The following ANKRD16 variants were observed in gnomAD, a reference collection of about 807,000 sequenced individuals.
The protein encoded by ANKRD16 is ankyrin repeat domain 16, also known as ankyrin repeat domain-containing protein 16.
Under a neutral mutation model 37.9 loss-of-function variants are expected in ANKRD16, and 35 were observed. The ratio of observed to expected loss-of-function variants is 0.92; its 90% CI spans 0.71 to 1.23. The LOEUF (loss-of-function observed/expected upper bound fraction) is 1.23, where lower values mean the gene tolerates loss of function less well. Ranked by LOEUF, ANKRD16 falls within the 50% of genes most tolerant of loss-of-function variation. The probability of loss-of-function intolerance (pLI) is 0.00; values close to 1 mark genes in which losing one functional copy is unlikely to be tolerated. For synonymous variants in ANKRD16, 206 were observed against 197.2 expected (o/e 1.04, Z -0.37); for missense variants, 480 against 469.9 (o/e 1.02, Z -0.20).
Position 5,862,200 on chromosome 10 carries a change from G to A in ANKRD16, c.*525C>T, listed in dbSNP as rs1291736368. On this transcript the variant is annotated 3_prime_UTR_variant, in exon 8 of 8. Transcript: ENST00000380094. The surrounding 1 kb of genome is among the most constrained non-coding windows in gnomAD (Gnocchi z 6.5). ...TTACAGGCATGAGCCACCGCAACCGGCCCCCAGGAATTCTTTAATGGTTCC... is the reference window on the plus strand; with the variant it reads ...TTACAGGCATGAGCCACCGCAACCGACCCCCAGGAATTCTTTAATGGTTCC... 1.1e-5 allele frequency: 3 copies of A among 262,088 alleles called. No individual in the cohort carries two copies. The highest frequency in any genetic ancestry group is 2.3e-5 in the Non-Finnish European group (3 of 131,176). The allele number at this position is 262,088 out of a possible 1,614,324, so 16.2% of individuals were successfully genotyped here.
In ANKRD16 at chr10:5,870,272, T is replaced by C. The variant is rs1344641934; in HGVS notation, c.*34-7581A>G. On this transcript the variant is annotated intron_variant, in intron 7 of 7. Transcript: ENST00000380094. This position sits in a 1 kb window ranked among gnomAD's most constrained non-coding sequence, Gnocchi z 5.0. ...CCGACCCCTTCACGGAGGCCCCCAGTGCACCTGCGCAGTGAGGTCAGCTTC... is the reference window on the plus strand; with the variant it reads ...CCGACCCCTTCACGGAGGCCCCCAGCGCACCTGCGCAGTGAGGTCAGCTTC... Among the ~76,000 whole-genome samples, 4 of 152,062 alleles carry C rather than the reference T, an allele frequency of 2.6e-5. No individual in the cohort carries two copies. Among genetic ancestry groups the C allele is most frequent in the East Asian group, 3.9e-4 (2 of 5,186 alleles).
chr10:5,876,347 C>G (rs1419836651), intron 7 of ANKRD16, among the ~76,000 whole-genome samples: 4 of 152,166 alleles, frequency 2.6e-5, no homozygotes, highest in Non-Finnish European at 5.9e-5. Flanking sequence ...TTTGTAAGGG[C>G]AGAAGCAAAG....
intron 5 of ANKRD16, among the ~76,000 whole-genome samples, chr10:5,882,120 G>A (rs2131774500): frequency 6.6e-6 from 1 of 152,304 alleles, no homozygotes; most frequent in South Asian, 2.1e-4. Flanking sequence ...CTGCTACTAT[G>A]TGATGAGACT....
chr10:5,873,843 G>A (rs1372818960), intron 7 of ANKRD16, among the ~76,000 whole-genome samples: 5 of 151,052 alleles, frequency 3.3e-5, no homozygotes, highest in African/African-American at 7.3e-5. Context: ...TTAGGTCCTC[G>A]CTATTTTCAG....
rs749308330 is a variant in ANKRD16, at chr10:5,870,556, G to A, written c.*33+7541C>T. Among the ~76,000 whole-genome samples the A allele has an allele frequency of 5.3e-5, 8 of 151,984 alleles. No homozygotes were observed. The highest frequency in any genetic ancestry group is 1.4e-4 in the African/African-American group (6 of 41,382). The stretch of plus-strand genomic sequence containing the variant: ...GTAGCTGGGACTACAGGCACACCAC[G>A]CCCAGCTAATTTTTTGTATTTTTTG... On this transcript the variant is annotated intron_variant, in intron 7 of 7. Transcript: ENST00000380094. This position sits in a 1 kb window ranked among gnomAD's most constrained non-coding sequence, Gnocchi z 5.0.
At position 5,863,226 on chromosome 10, in the gene ANKRD16, CCT is replaced by C. The variant is rs1240216726; in HGVS notation, c.*34-537_*34-536del. Among the ~76,000 whole-genome samples the C allele has an allele frequency of 2.0e-5, 3 of 151,972 alleles. No individual in the cohort carries two copies. The highest frequency in any genetic ancestry group is 4.4e-5 in the Non-Finnish European group (3 of 68,002). On this transcript the variant is annotated intron_variant, in intron 7 of 7. Transcript: ENST00000380094. This position sits in a 1 kb window ranked among gnomAD's most constrained non-coding sequence, Gnocchi z 4.7. ...TGCTCTCAATTCAGATCAAGTTTCC[CCT>C]GTGCCAGAAGAATCAGTCCTCCAGA... is the stretch of plus-strand genomic sequence containing the variant.
Position 5,871,486 on chromosome 10 carries a change from CCAAATGT to C in ANKRD16, c.*33+6604_*33+6610del, listed in dbSNP as rs1193979328. On this transcript the variant is annotated intron_variant, in intron 7 of 7. Coordinates refer to ENST00000380094, the MANE Select transcript of ANKRD16 (RefSeq NM_019046.3). The surrounding 1 kb of genome is among the most constrained non-coding windows in gnomAD (Gnocchi z 4.5). ...GTAATTTAAAAAAGTGTAAAAACTG[CCAAATGT>C]AAGTCCACATTATTATCCATTCTTG... 6.6e-6 allele frequency among the ~76,000 whole-genome samples: 1 copy of C among 152,152 alleles called. No homozygotes were observed. Among genetic ancestry groups the C allele is most frequent in the Non-Finnish European group, 1.5e-5 (1 of 68,020 alleles).
intron 3 of ANKRD16, among the ~76,000 whole-genome samples, chr10:5,885,342 G>A (rs975951342): frequency 1.3e-5 from 2 of 151,930 alleles, no homozygotes; most frequent in Admixed American, 6.6e-5. Context: ...CACCACGCCC[G>A]GCTAATTTTT....
rs1564416653 is a variant in ANKRD16 at position 5,878,247 on chromosome 10, GGCACAGGCCAAGTGCTGACCT to G, written c.948_968del (p.Gly317_Ala323del). On this transcript the variant is annotated inframe_deletion, in exon 7 of 8. Transcript: ENST00000380094. This position sits in a 1 kb window ranked among gnomAD's most constrained non-coding sequence, Gnocchi z 5.1. ...TCAGTCCCGACTGCAGGAGAAACTT[GGCACAGGCCAAGTGCTGACCT>G]GCACAGGCCAGATGCAGGGCTGAGG... The G allele has an allele frequency of 6.8e-6, 11 of 1,614,048 alleles. No homozygotes were observed. The highest frequency in any genetic ancestry group is 9.3e-6 in the Non-Finnish European group (11 of 1,180,016).
chr10:5,884,988 C>T (rs1322371928), intron 3 of ANKRD16, among the ~76,000 whole-genome samples: 3 of 152,120 alleles, frequency 2.0e-5, no homozygotes, highest in African/African-American at 7.2e-5. Context: ...AGATTCTTTA[C>T]TCTTAAGCCA....
At chr10:5,876,119 G>C (rs1377751492) in intron 7 of ANKRD16, among the ~76,000 whole-genome samples, 1 of 152,046 alleles carries the variant, frequency 6.6e-6, no homozygotes, top group East Asian at 1.9e-4. Flanking sequence ...CCTGACCTCA[G>C]GTGATCCACC....
At position 5,869,830 on chromosome 10, in the gene ANKRD16, T is replaced by C. The variant is rs1487056470; in HGVS notation, c.*34-7139A>G. Among the ~76,000 whole-genome samples, 1 of 152,098 alleles carries C rather than the reference T, an allele frequency of 6.6e-6. No homozygotes were observed. Among genetic ancestry groups the C allele is most frequent in the Non-Finnish European group, 1.5e-5 (1 of 68,032 alleles). On this transcript the variant is annotated intron_variant, in intron 7 of 7. Coordinates refer to ENST00000380094, the MANE Select transcript of ANKRD16 (RefSeq NM_019046.3). This position sits in a 1 kb window ranked among gnomAD's most constrained non-coding sequence, Gnocchi z 4.0. ...AATAGTTTCTAATTTCAACTTTTATTTTAAATACAGGGGGTACATGTGCAG... is the reference window on the plus strand; with the variant it reads ...AATAGTTTCTAATTTCAACTTTTATCTTAAATACAGGGGGTACATGTGCAG...
intron 4 of ANKRD16, 70 bp from the exon 5 acceptor site, chr10:5,883,237 T>A: frequency 6.6e-7 from 1 of 1,524,070 alleles, no homozygotes; most frequent in South Asian, 1.2e-5. Context: ...TCTGGGCATC[T>A]GCTGGCACTT....
chr10:5,861,776 CT>C lies in ANKRD16; in HGVS notation c.*948del, dbSNP rs1158700134. ...TTTTTTTTTTGGTTATCAGATAACC[CT>C]TTGTGAAAATATTTTCCTTTGCATT... On this transcript the variant is annotated 3_prime_UTR_variant, in exon 8 of 8. Transcript: ENST00000380094. 4.6e-5 allele frequency: 7 copies of C among 151,682 alleles called. No homozygotes were observed. Among genetic ancestry groups the C allele is most frequent in the African/African-American group, 1.5e-4 (6 of 41,212 alleles). The allele number at this position is 151,682 out of a possible 1,614,324, so 9.4% of individuals were successfully genotyped here. A position where few individuals can be genotyped will look rare whatever the true frequency, so the allele number is the denominator to read the frequency against.
At position 5,874,134 on chromosome 10, in the gene ANKRD16, CT is replaced by C. The variant is rs1424456962; in HGVS notation, c.*33+3962del. 4.6e-5 allele frequency among the ~76,000 whole-genome samples: 7 copies of C among 152,184 alleles called. No homozygotes were observed. The highest frequency in any genetic ancestry group is 1.4e-4 in the African/African-American group (6 of 41,440). ...TCGATCTCCTGACCTTGTGATCTGC[CT>C]GCCTCAGCCTCCCATAATACTGGGA... On this transcript the variant is annotated intron_variant, in intron 7 of 7. Coordinates refer to ENST00000380094, the MANE Select transcript of ANKRD16 (RefSeq NM_019046.3). This position sits in a 1 kb window ranked among gnomAD's most constrained non-coding sequence, Gnocchi z 4.7.
intron 7 of ANKRD16, among the ~76,000 whole-genome samples, chr10:5,867,512 C>T (rs578242898): frequency 5.3e-5 from 8 of 152,154 alleles, no homozygotes; most frequent in Admixed American, 2.0e-4. Context: ...ATGGACTGAA[C>T]GAGGTTTTAT....
intron 4 of ANKRD16, among the ~76,000 whole-genome samples, chr10:5,883,643 C>T (rs771319377): frequency 1.3e-5 from 2 of 152,204 alleles, no homozygotes; most frequent in Non-Finnish European, 2.9e-5. Context: ...TTCAATGTTC[C>T]AGGCTATGGT....
Position 5,889,164 on chromosome 10 carries a change from A to G in ANKRD16, c.191T>C (p.Ile64Thr). 1 of 1,597,886 alleles carries G rather than the reference A, an allele frequency of 6.3e-7. No individual in the cohort carries two copies. The highest frequency in any genetic ancestry group is 2.2e-5 in the East Asian group (1 of 44,730). ...CTTGTAGTCTCGGTTGGTGGCCTCGATGTCCATGCCCCAGGCCTCGGCCAG... is the reference window on the plus strand; with the variant it reads ...CTTGTAGTCTCGGTTGGTGGCCTCGGTGTCCATGCCCCAGGCCTCGGCCAG... ...AYLAEAWGMD[I>T]EATNRDYKRP... Residue 64 changes from isoleucine (I) to threonine (T), a missense_variant, in exon 1 of 8, where the codon ATC (isoleucine) becomes ACC (threonine). By Grantham distance (89) the Ile-to-Thr change is moderately conservative (BLOSUM62 -1). Coordinates refer to ENST00000380094, the MANE Select transcript of ANKRD16 (RefSeq NM_019046.3).
intron 5 of ANKRD16, among the ~76,000 whole-genome samples, chr10:5,881,441 T>TAAATAAATAA (rs1459236408): frequency 3.5e-3 from 75 of 21,278 alleles, no homozygotes; most frequent in African/African-American, 0.013. Flanking sequence ...ATATTATTTA[T>TAAATAAATAA]ATATATATAT....
Sources: allele counts gnomAD v4.1 joint callset (sites outside exome capture counted in the v4.1 genomes callset), GRCh38; gene constraint gnomAD v4.1.1; non-coding constraint Gnocchi (gnomAD v3.1); transcripts MANE v1.5; gene names NCBI Gene and HGNC (gene_info 2026-07-23, HGNC 2026-07-21).